Variants in TNRC6A observed in about 807,000 individuals in gnomAD.
The protein encoded by TNRC6A is trinucleotide repeat-containing gene 6A protein.
In TNRC6A, 44 loss-of-function variants were observed where a neutral mutation model predicts 221.2. The ratio of observed to expected loss-of-function variants is 0.20; its 90% CI spans 0.16 to 0.26. The LOEUF (loss-of-function observed/expected upper bound fraction) is 0.26. Among genes scored for constraint, TNRC6A ranks in the 10% least tolerant of loss-of-function variants. The pLI is 1.00. For synonymous variants in TNRC6A, 847 were observed against 838.5 expected, an observed-to-expected ratio of 1.01 and a Z score of -0.18; for missense variants, 2,199 against 2,404.4, an observed-to-expected ratio of 0.91 and a Z score of 1.79.
chr16:24,748,670 C>G (rs2057068020), intron 2 of TNRC6A, among the ~76,000 whole-genome samples: 1 of 152,130 alleles, frequency 6.6e-6, no homozygotes. Flanking sequence ...TCCTCTCAGT[C>G]TGTTCCATCA....
intron 2 of TNRC6A, among the ~76,000 whole-genome samples, chr16:24,722,886 T>G (rs569586248): frequency 1.3e-5 from 2 of 151,868 alleles, no homozygotes; most frequent in South Asian, 4.2e-4. Context: ...ACCAGACGAG[T>G]TGCTTATACA....
At chr16:24,721,990 A>G (rs370637013) in intron 2 of TNRC6A, among the ~76,000 whole-genome samples, 20 of 152,216 alleles carry the variant, frequency 1.3e-4, no homozygotes, top group African/African-American at 4.6e-4. Flanking sequence ...TCCTGGTGGT[A>G]GGTGTCTGTG....
At chr16:24,644,582 C>T in intron 2 of TNRC6A, among the ~76,000 whole-genome samples, 1 of 152,062 alleles carries the variant, frequency 6.6e-6, no homozygotes, top group East Asian at 1.9e-4. Flanking sequence ...GTTCATGACA[C>T]TACACCAGGC....
At chr16:24,612,795 A>G (rs899672868) in intron 1 of TNRC6A, among the ~76,000 whole-genome samples, 2 of 151,818 alleles carry the variant, frequency 1.3e-5, no homozygotes, top group African/African-American at 4.8e-5. Context: ...CAGTTTGTGC[A>G]AGTTTGGGGC....
At chr16:24,682,269 C>T (rs752236061) in intron 2 of TNRC6A, among the ~76,000 whole-genome samples, 1 of 151,586 alleles carries the variant, frequency 6.6e-6, no homozygotes, top group Non-Finnish European at 1.5e-5. Context: ...CTCTGTTGCT[C>T]AGGCTGGAGT....
intron 2 of TNRC6A, among the ~76,000 whole-genome samples, chr16:24,735,055 G>A (rs1013415904): frequency 1.3e-5 from 2 of 152,216 alleles, no homozygotes; most frequent in African/African-American, 4.8e-5. Context: ...ACTGAGGCAC[G>A]TGGATCATTT....
chr16:24,710,237 A>C (rs1347160452), intron 2 of TNRC6A, among the ~76,000 whole-genome samples: 2 of 152,170 alleles, frequency 1.3e-5, no homozygotes, highest in Non-Finnish European at 2.9e-5. Flanking sequence ...AAAAAAAAAA[A>C]AAAATTGTAA....
chr16:24,819,256 GAA>G (rs1011943006), intron 21 of TNRC6A, among the ~76,000 whole-genome samples: 1 of 152,130 alleles, frequency 6.6e-6, no homozygotes, highest in East Asian at 1.9e-4. Context: ...AGTGAAGTAA[GAA>G]AAAGAGTTGA....
chr16:24,736,649 T>C (rs1444835845), intron 2 of TNRC6A, among the ~76,000 whole-genome samples: 1 of 152,214 alleles, frequency 6.6e-6, no homozygotes, highest in Non-Finnish European at 1.5e-5. Context: ...TTGACCCTTT[T>C]TGGCAGGAGT....
At chr16:24,731,922 C>T (rs1452033838) in intron 2 of TNRC6A, among the ~76,000 whole-genome samples, 3 of 152,144 alleles carry the variant, frequency 2.0e-5, no homozygotes, top group Non-Finnish European at 4.4e-5. Context: ...TCTGTTAGGC[C>T]CTTTGGGTTA....
Position 24,789,383 on chromosome 16 carries a change from G to T in TNRC6A, c.741G>T (p.Pro247=). ...GGCCCTCAGCCCCTGGCAGTGATCC[G>T]GAGTTGGCTTCAGAATGTATGGATG... ...EAWPSAPGSD[P]ELASECMDAD... is the part of the protein sequence containing the mutation. Residue 247 remains proline, a synonymous_variant, in exon 6 of 25, where the codon CCG becomes CCT. Coordinates refer to ENST00000395799, the MANE Select transcript of TNRC6A (RefSeq NM_014494.4). The T allele has an allele frequency of 3.7e-6, 6 of 1,614,220 alleles. No homozygotes were observed. Among genetic ancestry groups the T allele is most frequent in the Non-Finnish European group, 5.1e-6 (6 of 1,180,046 alleles).
intron 1 of TNRC6A, among the ~76,000 whole-genome samples, chr16:24,625,352 G>T (rs1445230702): frequency 1.3e-5 from 2 of 152,164 alleles, no homozygotes; most frequent in Non-Finnish European, 2.9e-5. Flanking sequence ...GGCAGCTCAC[G>T]CCTGTAATCC....
At chr16:24,733,838 C>G (rs991480153) in intron 2 of TNRC6A, among the ~76,000 whole-genome samples, 5 of 152,132 alleles carry the variant, frequency 3.3e-5, no homozygotes, top group Non-Finnish European at 7.3e-5. Context: ...AACTAGCGAT[C>G]TAGGCAAGAA....
chr16:24,645,228 G>A (rs1275048896), intron 2 of TNRC6A, among the ~76,000 whole-genome samples: 1 of 151,414 alleles, frequency 6.6e-6, no homozygotes, highest in East Asian at 2.0e-4. Context: ...TGTCCAGGCT[G>A]GGCACAGTGG....
At chr16:24,733,042 C>A (rs1006417160) in intron 2 of TNRC6A, among the ~76,000 whole-genome samples, 5 of 152,104 alleles carry the variant, frequency 3.3e-5, no homozygotes, top group African/African-American at 1.2e-4. Context: ...CATAGTGAAA[C>A]CTCATTTTTA....
intron 8 of TNRC6A, among the ~76,000 whole-genome samples, chr16:24,795,245 G>A (rs1221480909): frequency 1.3e-5 from 2 of 152,210 alleles, no homozygotes; most frequent in East Asian, 3.8e-4. Context: ...AAAGCTGGCT[G>A]TACATCGAAA....
In TNRC6A at chr16:24,776,746, A is replaced by C. The variant is rs548720942; in HGVS notation, c.164-187A>C. The C allele has an allele frequency of 6.1e-5, 60 of 985,422 alleles. No individual in the cohort carries two copies. In the South Asian group the frequency reaches 2.6e-3, roughly 43 times the overall value. The allele number at this position is 985,422 out of a possible 1,614,324, so 61.0% of individuals were successfully genotyped here. On this transcript the variant is annotated intron_variant, in intron 4 of 24. Transcript: ENST00000395799. The stretch of plus-strand genomic sequence containing the variant: ...ATTGGGTAGGTAGGTAGCAGAAGTG[A>C]AATATGACTCTTGGCAGTGACATCT...
chr16:24,726,538 A>G (rs548922133), upstream of TNRC6A, among the ~76,000 whole-genome samples: 1 of 152,160 alleles, frequency 6.6e-6, no homozygotes, highest in South Asian at 2.1e-4. Context: ...GCACCCTCAA[A>G]GTCATTTGCG....
At chr16:24,666,763 T>C (rs911858431) in intron 2 of TNRC6A, among the ~76,000 whole-genome samples, 3 of 150,318 alleles carry the variant, frequency 2.0e-5, no homozygotes, top group Non-Finnish European at 4.4e-5. Context: ...CTGGCTTATC[T>C]TGGTTGTCTA....
Sources: gnomAD v4.1 joint callset for allele counts (sites outside exome capture counted in the v4.1 genomes callset) on GRCh38, gnomAD v4.1.1 for gene constraint, MANE v1.5 for transcripts, NCBI Gene and HGNC (gene_info 2026-07-23, HGNC 2026-07-21) for gene names.